The following PALS2 variants were observed in gnomAD, a reference collection of about 807,000 sequenced individuals.
The protein encoded by PALS2 is protein associated with LIN7 2, MAGUK p55 family member, also known as protein PALS2.
In PALS2, 27 loss-of-function variants were observed where a neutral mutation model predicts 61.6. The observed-to-expected ratio is 0.44, with a 90% CI of 0.32 to 0.60. PALS2 has a LOEUF of 0.60. Ranked by LOEUF, PALS2 falls within the 20% of genes least tolerant of loss-of-function variation. The probability of loss-of-function intolerance (pLI) is 0.05; values close to 1 mark genes in which losing one functional copy is unlikely to be tolerated. For synonymous variants in PALS2, 236 were observed against 218.6 expected (o/e 1.08, Z -0.70); for missense variants, 554 against 639.4 (o/e 0.87, Z 1.44).
chr7:24,676,582 C>T (rs1041196931), intron 9 of PALS2, among the ~76,000 whole-genome samples: 2 of 151,950 alleles, frequency 1.3e-5, no homozygotes, highest in Non-Finnish European at 2.9e-5. Context: ...CCAGTTTCAG[C>T]TTTCTATGTA....
rs527723366 is a variant in PALS2 at position 24,637,472 on chromosome 7, A to T, written c.118-4244A>T. Among the ~76,000 whole-genome samples the T allele has an allele frequency of 1.4e-4, 22 of 152,156 alleles. 1 individual carries two copies. The highest frequency in any genetic ancestry group is 3.4e-3 in the Middle Eastern group (1 of 294). On this transcript the variant is annotated intron_variant, in intron 2 of 11. Transcript: ENST00000222644. ...TGTTGATCTTGAGTTTTAGGTCTCTAGAATAAAAGAAGAGGGTGGTGCTTG... is the reference window on the plus strand; with the variant it reads ...TGTTGATCTTGAGTTTTAGGTCTCTTGAATAAAAGAAGAGGGTGGTGCTTG...
At chr7:24,677,934 A>G (rs1383967507) in intron 9 of PALS2, among the ~76,000 whole-genome samples, 1 of 152,168 alleles carries the variant, frequency 6.6e-6, no homozygotes, top group Non-Finnish European at 1.5e-5. Flanking sequence ...TTGTTCTTAT[A>G]AAAGTTTTCT....
intron 2 of PALS2, among the ~76,000 whole-genome samples, chr7:24,635,401 T>C (rs1208009485): frequency 2.6e-5 from 4 of 152,260 alleles, no homozygotes; most frequent in East Asian, 1.9e-4. Context: ...ATTGATCTTA[T>C]ATATCTTGCA....
chr7:24,680,033 A>G (rs906421352), intron 10 of PALS2, among the ~76,000 whole-genome samples: 2 of 152,176 alleles, frequency 1.3e-5, no homozygotes, highest in African/African-American at 2.4e-5. Context: ...GCTATATAGT[A>G]TGAATATATA....
intron 1 of PALS2, among the ~76,000 whole-genome samples, chr7:24,619,287 A>G (rs1784404875): frequency 6.6e-6 from 1 of 151,908 alleles, no homozygotes; most frequent in Non-Finnish European, 1.5e-5. Flanking sequence ...CTGGAGGCTC[A>G]TGCTTTTGTT....
intron 5 of PALS2, among the ~76,000 whole-genome samples, chr7:24,656,760 G>A (rs1180526574): frequency 6.6e-6 from 1 of 151,844 alleles, no homozygotes; most frequent in Non-Finnish European, 1.5e-5. Context: ...TTGAACTCCT[G>A]TGCTCAAGCG....
chr7:24,584,306 C>T (rs1395211199), intron 1 of PALS2, among the ~76,000 whole-genome samples: 4,794 of 73,662 alleles, frequency 0.065, no homozygotes, highest in Admixed American at 0.076. Flanking sequence ...TATTTCTCCA[C>T]ATCCTCTCCA....
intron 9 of PALS2, among the ~76,000 whole-genome samples, chr7:24,672,125 G>A (rs1250429576): frequency 6.7e-6 from 1 of 150,284 alleles, no homozygotes; most frequent in Non-Finnish European, 1.5e-5. Flanking sequence ...TACCTTTTCT[G>A]CAGCAATTGG....
intron 2 of PALS2, among the ~76,000 whole-genome samples, chr7:24,639,070 T>TA (rs1274965912): frequency 6.6e-6 from 1 of 152,184 alleles, no homozygotes; most frequent in Non-Finnish European, 1.5e-5. Context: ...TGAGGATAGA[T>TA]ACGGTGTAAT....
intron 1 of PALS2, among the ~76,000 whole-genome samples, chr7:24,595,509 A>G (rs1245973038): frequency 1.7e-5 from 2 of 117,148 alleles, no homozygotes; most frequent in South Asian, 2.8e-4. Context: ...TAATATATAT[A>G]ATATATAATA....
intron 9 of PALS2, among the ~76,000 whole-genome samples, chr7:24,673,464 G>C (rs1206874494): frequency 6.6e-6 from 1 of 152,150 alleles, no homozygotes; most frequent in East Asian, 1.9e-4. Flanking sequence ...AAGAGTATGT[G>C]AAGGATTAAT....
At chr7:24,578,982 T>A (rs2128038545) in intron 1 of PALS2, among the ~76,000 whole-genome samples, 1 of 152,278 alleles carries the variant, frequency 6.6e-6, no homozygotes, top group Non-Finnish European at 1.5e-5. Context: ...AAAAAGGAAG[T>A]AAAATAAAAA....
intron 11 of PALS2, among the ~76,000 whole-genome samples, chr7:24,683,299 A>G (rs1788028883): frequency 6.6e-6 from 1 of 152,212 alleles, no homozygotes; most frequent in Non-Finnish European, 1.5e-5. Context: ...CATCTTTGAT[A>G]CTGTCCTTTG....
chr7:24,663,862 T>C, intron 6 of PALS2, 141 bp downstream of exon 6: 3 of 1,087,136 alleles, frequency 2.8e-6, no homozygotes, highest in Non-Finnish European at 4.0e-6. Flanking sequence ...TCGTGGCTAC[T>C]AATTTTGTGG....
At chr7:24,585,101 C>T (rs920454530) in intron 1 of PALS2, among the ~76,000 whole-genome samples, 2 of 152,118 alleles carry the variant, frequency 1.3e-5, no homozygotes, top group African/African-American at 4.8e-5. Flanking sequence ...TAGTGTGATG[C>T]CTCCAGCTTT....
chr7:24,612,937 A>G (rs528637160), intron 1 of PALS2, among the ~76,000 whole-genome samples: 8 of 151,970 alleles, frequency 5.3e-5, no homozygotes, highest in Admixed American at 2.6e-4. Flanking sequence ...GATGCTTCCT[A>G]TAGAACCTGG....
At chr7:24,648,055 C>G (rs1433397987) in intron 3 of PALS2, among the ~76,000 whole-genome samples, 2 of 152,074 alleles carry the variant, frequency 1.3e-5, no homozygotes, top group Non-Finnish European at 2.9e-5. Context: ...TAGGAAGAAT[C>G]CTTACATATG....
chr7:24,585,595 C>G (rs1783033358), intron 1 of PALS2, among the ~76,000 whole-genome samples: 1 of 150,490 alleles, frequency 6.6e-6, no homozygotes, highest in Non-Finnish European at 1.5e-5. Flanking sequence ...CATGCCAGTA[C>G]TCATCAGAAT....
At position 24,691,174 on chromosome 7, in the gene PALS2, G is replaced by C. The variant is rs1788448076; in HGVS notation, c.*3560G>C. On this transcript the variant is annotated 3_prime_UTR_variant, in exon 12 of 12. Coordinates refer to ENST00000222644, the MANE Select transcript of PALS2 (RefSeq NM_001303037.2). ...AATTATTTTGAATTGGCAAACTAAA[G>C]ATAACAATTTTGAAAATTGCTCAAA... is the stretch of plus-strand genomic sequence containing the variant. The C allele has an allele frequency of 6.6e-6, 1 of 151,820 alleles. No individual in the cohort carries two copies. The highest frequency in any genetic ancestry group is 1.9e-4 in the East Asian group (1 of 5,172). 9.4% of individuals were successfully genotyped at this position (151,820 alleles called of 1,614,324 possible).
Sources: gnomAD v4.1 joint callset for allele counts (sites outside exome capture counted in the v4.1 genomes callset) on GRCh38, gnomAD v4.1.1 for gene constraint, MANE v1.5 for transcripts, NCBI Gene and HGNC (gene_info 2026-07-23, HGNC 2026-07-21) for gene names.